UNK: variants seen among roughly 807,000 people sequenced by gnomAD.
The protein encoded by UNK is RING finger protein unkempt homolog.
In UNK, 32 loss-of-function variants were observed where a neutral mutation model predicts 97.6. The ratio of observed to expected loss-of-function variants is 0.33; its 90% CI spans 0.25 to 0.44. The LOEUF is 0.44. Among genes scored for constraint, UNK ranks in the 20% least tolerant of loss-of-function variants. UNK has a pLI of 1.00. For synonymous variants in UNK, 441 were observed against 461.2 expected (o/e 0.96, Z 0.56); for missense variants, 771 against 1,098.4 (o/e 0.70, Z 4.21).
chr17:75,803,630 CTTAA>C (rs1285403329), intron 1 of UNK, among the ~76,000 whole-genome samples: 3 of 152,168 alleles, frequency 2.0e-5, no homozygotes, highest in African/African-American at 7.2e-5. Flanking sequence ...CAGAAAATAT[CTTAA>C]TTTATCATGT....
At position 75,809,903 on chromosome 17, in the gene UNK, A is replaced by G. The variant is rs2061952820; in HGVS notation, c.248A>G (p.Asn83Ser). 2.5e-6 allele frequency: 4 copies of G among 1,613,800 alleles called. No individual in the cohort carries two copies. Among genetic ancestry groups the G allele is most frequent in the East Asian group, 2.2e-5 (1 of 44,874 alleles). ...ATCCGCCGTCGGGACGGCACCTTCAATTACAGCCCTGACGTCTACTGCACC... is the reference window on the plus strand; with the variant it reads ...ATCCGCCGTCGGGACGGCACCTTCAGTTACAGCCCTGACGTCTACTGCACC... ...RSIRRRDGTF[N>S]YSPDVYCTKY... Residue 83 changes from asparagine (N) to serine (S), a missense_variant, in exon 2 of 16, where the codon AAT (asparagine) becomes AGT (serine). Asn to Ser is a conservative substitution (Grantham distance 46). Transcript: ENST00000589666.
chr17:75,815,392 C>G (rs946908205), intron 7 of UNK, 139 bp downstream of exon 7: 10 of 726,156 alleles, frequency 1.4e-5, no homozygotes, highest in South Asian at 6.4e-5. Context: ...GGCCTTGTCC[C>G]CACTGGAAGC....
intron 1 of UNK, among the ~76,000 whole-genome samples, chr17:75,786,190 C>T (rs913878315): frequency 6.6e-6 from 1 of 152,188 alleles, no homozygotes; most frequent in Admixed American, 6.5e-5. Context: ...ATGGACATTG[C>T]TTTCCTGGTC....
In UNK at chr17:75,818,158, A is replaced by G. The variant is rs1343262400; in HGVS notation, c.1361A>G (p.Gln454Arg). The G allele has an allele frequency of 6.2e-7, 1 of 1,613,462 alleles. No individual in the cohort carries two copies. Among genetic ancestry groups the G allele is most frequent in the African/African-American group, 1.3e-5 (1 of 74,918 alleles). The change falls in exon 10 of 16, where the codon CAG (glutamine) becomes CGG (arginine). Residue 454 changes from glutamine to arginine, a missense_variant. Physicochemically the swap from Gln to Arg is conservative, Grantham distance 43. Around this residue, in one of 5 missense-constraint regions of UNK, gnomAD observed 192 missense variants for 202.4 expected, o/e 0.95. Transcript: ENST00000589666. This position sits in a 1 kb window ranked among gnomAD's most constrained non-coding sequence, Gnocchi z 5.1. Reference protein sequence around the residue: ...EPRSQEQPLLQPKQDMLGILP... With the variant: ...EPRSQEQPLLRPKQDMLGILP... ...AGGAGTCAAGAGCAGCCTCTGCTTC[A>G]GCCCAAACAGGTATAGAGCTCTCAG...
In UNK at chr17:75,784,908, T is replaced by C. The variant is rs1190838826; in HGVS notation, c.28T>C (p.Ser10Pro). 1.9e-6 allele frequency: 3 copies of C among 1,568,698 alleles called. No homozygotes were observed. The highest frequency in any genetic ancestry group is 1.7e-6 in the Non-Finnish European group (2 of 1,161,550). Residue 10 changes from serine (S) to proline (P), a missense_variant, in exon 1 of 16, where the codon TCC becomes CCC. This residue lies in a region of UNK where 34 missense variants were observed against 24.7 expected (regional missense o/e 1.37). Coordinates refer to ENST00000589666, the MANE Select transcript of UNK (RefSeq NM_001080419.3). MSKGPGPGG[S>P]AASSAPPAAT... ...GTCGAAGGGCCCCGGGCCCGGCGGCTCCGCAGCTTCCTCGGCGCCCCCGGC... is the reference window on the plus strand; with the variant it reads ...GTCGAAGGGCCCCGGGCCCGGCGGCCCCGCAGCTTCCTCGGCGCCCCCGGC...
chr17:75,799,585 T>C (rs2061837448), intron 1 of UNK, among the ~76,000 whole-genome samples: 1 of 152,218 alleles, frequency 6.6e-6, no homozygotes, highest in Admixed American at 6.5e-5. Flanking sequence ...CTTTTTGCTT[T>C]TCTTTTCACT....
Position 75,816,753 on chromosome 17 carries a change from G to GC in UNK, c.962-13dup. On this transcript the variant is annotated splice_polypyrimidine_tract_variant and intron_variant, in intron 7 of 15. Coordinates refer to ENST00000589666, the MANE Select transcript of UNK (RefSeq NM_001080419.3). The surrounding 1 kb of genome is among the most constrained non-coding windows in gnomAD (Gnocchi z 4.0). ...AGCTGGCTGGGGCCTGCTGACCCCT[G>GC]CCCCTGACTCTTGCAGAGCCACCCC... The GC allele has an allele frequency of 6.3e-7, 1 of 1,592,534 alleles. No individual in the cohort carries two copies. Among genetic ancestry groups the GC allele is most frequent in the Non-Finnish European group, 8.5e-7 (1 of 1,174,228 alleles).
chr17:75,817,782 G>T lies in UNK; in HGVS notation c.1305+256G>T, dbSNP rs926140794. On this transcript the variant is annotated intron_variant, in intron 9 of 15. Transcript: ENST00000589666. This position sits in a 1 kb window ranked among gnomAD's most constrained non-coding sequence, Gnocchi z 5.8. ...GAGGAGCCAGATCCCGCCTGGGTGC[G>T]GTCCTTCGGCTGCCCTGAACTGCCT... Among the ~76,000 whole-genome samples, 1 of 152,110 alleles carries T rather than the reference G, an allele frequency of 6.6e-6. No homozygotes were observed. Among genetic ancestry groups the T allele is most frequent in the Non-Finnish European group, 1.5e-5 (1 of 68,022 alleles).
In UNK at chr17:75,824,437, C is replaced by T. The variant is rs769127962; in HGVS notation, c.*20C>T. 1.0e-5 allele frequency: 15 copies of T among 1,447,782 alleles called. No homozygotes were observed. The highest frequency in any genetic ancestry group is 1.8e-6 in the Non-Finnish European group (2 of 1,101,520). The allele number at this position is 1,447,782 out of a possible 1,614,324, so 89.7% of individuals were successfully genotyped here. On this transcript the variant is annotated 3_prime_UTR_variant, in exon 16 of 16. Coordinates refer to ENST00000589666, the MANE Select transcript of UNK (RefSeq NM_001080419.3). This position sits in a 1 kb window ranked among gnomAD's most constrained non-coding sequence, Gnocchi z 4.9. ...TCGTGACCCTGCAGGCCTGGCCCAGCCTGGCCCAGATCTTCTCACCTAGGA... is the reference window on the plus strand; with the variant it reads ...TCGTGACCCTGCAGGCCTGGCCCAGTCTGGCCCAGATCTTCTCACCTAGGA...
chr17:75,795,573 C>G (rs965990415), intron 1 of UNK, among the ~76,000 whole-genome samples: 2 of 152,052 alleles, frequency 1.3e-5, no homozygotes, highest in African/African-American at 4.8e-5. Context: ...CTCCTGACCT[C>G]GAGTGATCTG....
chr17:75,808,254 C>A (rs1275652372), intron 1 of UNK, among the ~76,000 whole-genome samples: 1 of 152,180 alleles, frequency 6.6e-6, no homozygotes, highest in Non-Finnish European at 1.5e-5. Context: ...AGCTTTTTGT[C>A]TAACCAGACA....
chr17:75,815,289 TC>T, intron 7 of UNK, 36 bp downstream of exon 7: 1 of 1,576,136 alleles, frequency 6.3e-7, no homozygotes, highest in Non-Finnish European at 8.7e-7. Flanking sequence ...CAGTGCCCTC[TC>T]CCACCCCTCC....
Position 75,792,557 on chromosome 17 carries a change from T to TAAA in UNK, c.104+7574_104+7575insAAA. 4.6e-6 allele frequency: 4 copies of TAAA among 874,330 alleles called. No individual in the cohort carries two copies. In the African/African-American group the frequency reaches 7.3e-5, roughly 16 times the overall value. 54.2% of individuals were successfully genotyped at this position (874,330 alleles called of 1,614,324 possible). ...GCTAACAATGCCAAGAATTTAGGTT[T>TAAA]ACTATCCCTCTGGACAATGTAGCTT... On this transcript the variant is annotated intron_variant, in intron 1 of 15. Coordinates refer to ENST00000589666, the MANE Select transcript of UNK (RefSeq NM_001080419.3).
chr17:75,786,906 T>G (rs545111432), intron 1 of UNK, among the ~76,000 whole-genome samples: 6 of 152,032 alleles, frequency 3.9e-5, no homozygotes, highest in African/African-American at 7.2e-5. Flanking sequence ...CCATTCCTTG[T>G]GGGTAAGTAT....
chr17:75,815,213 C>A lies in UNK; in HGVS notation c.921C>A (p.Ser307Arg). ...GCAACGACATGCAGCAGTCGGGCAG[C>A]TGTCCCCGAGGACCCTTCTGCGCCT... is the stretch of plus-strand genomic sequence containing the variant. ...TKCNDMQQSG[S>R]CPRGPFCAFA... is the part of the protein sequence containing the mutation. Residue 307 changes from serine to arginine, a missense_variant, in exon 7 of 16, where the codon AGC becomes AGA. By Grantham distance (110) the Ser-to-Arg change is moderately radical (BLOSUM62 -1). Transcript: ENST00000589666. 6.2e-7 allele frequency: 1 copy of A among 1,613,592 alleles called. No individual in the cohort carries two copies. Among genetic ancestry groups the A allele is most frequent in the Non-Finnish European group, 8.5e-7 (1 of 1,179,762 alleles).
In UNK at chr17:75,819,624, G is replaced by C; in HGVS notation, c.1547-60G>C. ...TGAAGATGCAGCGTGGGCAGTAGAC[G>C]AGGTGGTCAGGGTCAGATAGTCCCT... On this transcript the variant is annotated intron_variant, in intron 11 of 15. Transcript: ENST00000589666. The surrounding 1 kb of genome is among the most constrained non-coding windows in gnomAD (Gnocchi z 5.4). 1.3e-6 allele frequency: 2 copies of C among 1,509,552 alleles called. No individual in the cohort carries two copies. The highest frequency in any genetic ancestry group is 1.1e-5 in the South Asian group (1 of 88,720). The allele number at this position is 1,509,552 out of a possible 1,614,324, so 93.5% of individuals were successfully genotyped here.
intron 6 of UNK, 48 bp downstream of exon 6, chr17:75,813,926 G>A (rs1345327334): frequency 7.3e-6 from 11 of 1,498,400 alleles, no homozygotes; most frequent in Non-Finnish European, 9.9e-6. Context: ...AGTAAGGAGA[G>A]AGGCAGGCAG....
chr17:75,785,080 C>T (rs2061694787), intron 1 of UNK, 96 bp downstream of exon 1: 10 of 794,256 alleles, frequency 1.3e-5, no homozygotes, highest in South Asian at 6.2e-5. Context: ...GCGGCCTCTT[C>T]CTCCCCCCCT....
intron 1 of UNK, among the ~76,000 whole-genome samples, chr17:75,801,728 A>G (rs2061860506): frequency 6.6e-6 from 1 of 152,012 alleles, no homozygotes. Context: ...TATTTTTAGT[A>G]GAGACGGGGT....
Sources: allele counts gnomAD v4.1 joint callset (sites outside exome capture counted in the v4.1 genomes callset), GRCh38; gene constraint gnomAD v4.1.1; regional missense constraint gnomAD v4.1.1; non-coding constraint Gnocchi (gnomAD v3.1); transcripts MANE v1.5; gene names NCBI Gene and HGNC (gene_info 2026-07-23, HGNC 2026-07-21).